Variants in PDE8B observed in about 807,000 individuals in gnomAD.
PDE8B encodes the protein phosphodiesterase 8B.
Under a neutral mutation model 101.3 loss-of-function variants are expected in PDE8B, and 26 were observed. That is an observed-to-expected ratio of 0.26 (90% CI 0.19 to 0.36). The LOEUF (loss-of-function observed/expected upper bound fraction) is 0.36. Ranked by LOEUF, PDE8B falls within the 10% of genes least tolerant of loss-of-function variation. PDE8B has a pLI of 1.00. For synonymous variants in PDE8B, 424 were observed against 429.3 expected (o/e 0.99, Z 0.15); for missense variants, 810 against 1,163.1 (o/e 0.70, Z 4.42).
the PDE8B span, among the ~76,000 whole-genome samples, chr5:77,189,714 G>T: frequency 6.6e-6 from 1 of 152,158 alleles, no homozygotes; most frequent in Non-Finnish European, 1.5e-5. Context: ...GGGCAGAGAG[G>T]TTGTGGAGAG....
intron 17 of PDE8B, among the ~76,000 whole-genome samples, chr5:77,416,337 T>C (rs12521494): frequency 0.29 from 44,236 of 152,152 alleles, 7,060 homozygotes; most frequent in East Asian, 0.69. Context: ...CATACCACAG[T>C]GGCACTAGCT....
At chr5:77,227,828 C>T (rs1752737867) in intron 1 of PDE8B, among the ~76,000 whole-genome samples, 1 of 152,152 alleles carries the variant, frequency 6.6e-6, no homozygotes, top group South Asian at 2.1e-4. Flanking sequence ...TTTAAGAATA[C>T]AAAGTTGAGT....
chr5:77,251,602 A>G (rs1239270887), intron 1 of PDE8B, among the ~76,000 whole-genome samples: 1 of 152,146 alleles, frequency 6.6e-6, no homozygotes, highest in East Asian at 1.9e-4. Flanking sequence ...ACTTCTTCCC[A>G]TGATACTTCT....
chr5:77,273,416 A>T (rs989940577), intron 1 of PDE8B, among the ~76,000 whole-genome samples: 4 of 152,232 alleles, frequency 2.6e-5, no homozygotes, highest in African/African-American at 4.8e-5. Flanking sequence ...AACATCTATT[A>T]CCCAGAAAGC....
the PDE8B span, among the ~76,000 whole-genome samples, chr5:77,201,786 C>T: frequency 6.6e-6 from 1 of 152,126 alleles, no homozygotes; most frequent in African/African-American, 2.4e-5. Context: ...TCCATCTACT[C>T]AATGTCTCTG....
At chr5:77,225,661 TAGATACTTTTGAA>T (rs1330983857) in intron 1 of PDE8B, among the ~76,000 whole-genome samples, 1 of 152,140 alleles carries the variant, frequency 6.6e-6, no homozygotes, top group African/African-American at 2.4e-5. Context: ...AGCCAGGAAA[TAGATACTTTTGAA>T]AGATAAAAAT....
the PDE8B span, chr5:77,141,179 T>C: frequency 6.6e-6 from 1 of 152,162 alleles, no homozygotes; most frequent in East Asian, 1.9e-4. Context: ...AGAAAAATTG[T>C]TAGAAACATA....
At chr5:77,105,587 A>G in the PDE8B span, 1 of 152,204 alleles carries the variant, frequency 6.6e-6, no homozygotes, top group Admixed American at 6.5e-5. Context: ...GAGCATCTGT[A>G]TATTAAAAAG....
chr5:77,286,829 A>G (rs982250902), intron 1 of PDE8B, among the ~76,000 whole-genome samples: 6 of 152,134 alleles, frequency 3.9e-5, no homozygotes, highest in African/African-American at 1.2e-4. Context: ...TTAGCTTATT[A>G]GTTAACTCCC....
chr5:77,363,680 C>A (rs963479202), intron 10 of PDE8B, among the ~76,000 whole-genome samples: 2 of 150,942 alleles, frequency 1.3e-5, no homozygotes, highest in African/African-American at 4.9e-5. Flanking sequence ...CCATTACACT[C>A]CAGCCTGGGT....
the PDE8B span, among the ~76,000 whole-genome samples, chr5:77,192,739 T>A: frequency 6.6e-6 from 1 of 152,220 alleles, no homozygotes; most frequent in Non-Finnish European, 1.5e-5. Flanking sequence ...ATGTTTTTAA[T>A]AAGAAAATAT....
rs1167462257 is a variant in PDE8B, at chr5:77,295,475, T to G, written c.340-16519T>G. On this transcript the variant is annotated intron_variant, in intron 1 of 21. Coordinates refer to ENST00000264917, the MANE Select transcript of PDE8B (RefSeq NM_003719.5). ...CTGTAAAAAGTGGTTCTATGATCCCTTGGTTGGAATACCATTTCTCCTCTG... is the reference window on the plus strand; with the variant it reads ...CTGTAAAAAGTGGTTCTATGATCCCGTGGTTGGAATACCATTTCTCCTCTG... Among the ~76,000 whole-genome samples, 8 of 152,340 alleles carry G rather than the reference T, an allele frequency of 5.3e-5. No homozygotes were observed. The East Asian group carries it at 1.5e-3, about 29-fold the overall frequency.
At chr5:77,404,076 G>C (rs914028523) in intron 11 of PDE8B, among the ~76,000 whole-genome samples, 1 of 151,376 alleles carries the variant, frequency 6.6e-6, no homozygotes, top group Non-Finnish European at 1.5e-5. Flanking sequence ...CAACCTCTGC[G>C]TGCTGGGTTC....
intron 1 of PDE8B, among the ~76,000 whole-genome samples, chr5:77,241,818 A>C (rs1755822138): frequency 6.6e-6 from 1 of 152,176 alleles, no homozygotes; most frequent in Non-Finnish European, 1.5e-5. Flanking sequence ...TTGCATTTCA[A>C]ATTTTGCTTT....
intron 1 of PDE8B, among the ~76,000 whole-genome samples, chr5:77,267,301 A>T (rs1406982922): frequency 6.6e-6 from 1 of 152,050 alleles, no homozygotes; most frequent in Admixed American, 6.6e-5. Flanking sequence ...TTAGCCATGT[A>T]TGGTGGCGGG....
chr5:77,237,703 A>G (rs1419779068), intron 1 of PDE8B, among the ~76,000 whole-genome samples: 1 of 152,164 alleles, frequency 6.6e-6, no homozygotes, highest in Non-Finnish European at 1.5e-5. Flanking sequence ...TTCATTCGTG[A>G]TGTTCCAAGT....
intron 1 of PDE8B, among the ~76,000 whole-genome samples, chr5:77,294,101 ATT>A (rs1246047823): frequency 2.0e-5 from 3 of 152,206 alleles, no homozygotes; most frequent in Non-Finnish European, 4.4e-5. Context: ...CTGTAGTATA[ATT>A]TTAAGCCCCT....
At chr5:77,255,979 GC>G (rs1378949344) in intron 1 of PDE8B, among the ~76,000 whole-genome samples, 2 of 152,168 alleles carry the variant, frequency 1.3e-5, no homozygotes, top group African/African-American at 4.8e-5. Flanking sequence ...TGTGTAGTGT[GC>G]CCTGGCTGTA....
the PDE8B span, among the ~76,000 whole-genome samples, chr5:77,161,829 G>C: frequency 1.3e-5 from 2 of 151,346 alleles, no homozygotes. Context: ...ACTTTTTTTT[G>C]GTATTTTCTT....
Sources: allele counts gnomAD v4.1 joint callset (sites outside exome capture counted in the v4.1 genomes callset), GRCh38; gene constraint gnomAD v4.1.1; transcripts MANE v1.5; gene names NCBI Gene and HGNC (gene_info 2026-07-23, HGNC 2026-07-21).